Variants in RTL4 observed in about 807,000 individuals in gnomAD.
RTL4 encodes the protein retrotransposon Gag-like protein 4.
In RTL4, 4 loss-of-function variants were observed where a neutral mutation model predicts 5.3. The ratio of observed to expected loss-of-function variants is 0.75; its 90% CI spans 0.37 to 1.72. RTL4 has a LOEUF of 1.72. RTL4 is among the 40% of genes most tolerant of loss of function. RTL4 has a pLI of 0.04. For synonymous variants in RTL4, 98 were observed against 87.3 expected, an observed-to-expected ratio of 1.12 and a Z score of -0.68; for missense variants, 260 against 227.1, an observed-to-expected ratio of 1.14 and a Z score of -0.93.
the RTL4 span, among the ~76,000 whole-genome samples, chrX:112,274,814 C>T: frequency 9.0e-6 from 1 of 111,655 alleles, no homozygotes; most frequent in Non-Finnish European, 1.9e-5. Context: ...TTTTGAGACT[C>T]ACTTCTTCAG....
chrX:112,350,299 C>G, the RTL4 span, among the ~76,000 whole-genome samples: 1 of 109,675 alleles, frequency 9.1e-6, no homozygotes, highest in Non-Finnish European at 1.9e-5. Context: ...CATCAATGTT[C>G]ATCAAGGATA....
At chrX:112,212,281 G>A in the RTL4 span, among the ~76,000 whole-genome samples, 1 of 111,599 alleles carries the variant, frequency 9.0e-6, no homozygotes, top group Non-Finnish European at 1.9e-5. Context: ...GGAGGCTGAG[G>A]CAGGAGAATG....
the RTL4 span, among the ~76,000 whole-genome samples, chrX:112,243,639 A>G: frequency 3.6e-5 from 4 of 111,312 alleles, no homozygotes; most frequent in East Asian, 5.7e-4. Flanking sequence ...AATCTTTTCA[A>G]AAAACCAGCT....
At chrX:112,134,608 A>G in the RTL4 span, among the ~76,000 whole-genome samples, 9 of 111,962 alleles carry the variant, frequency 8.0e-5, no homozygotes, top group African/African-American at 2.6e-4. Flanking sequence ...AAACTGTACA[A>G]TTAGACACAT....
chrX:112,341,747 C>T, the RTL4 span, among the ~76,000 whole-genome samples: 1 of 111,728 alleles, frequency 9.0e-6, no homozygotes, highest in Non-Finnish European at 1.9e-5. Flanking sequence ...ACAGTTAGTT[C>T]ACAAGCAGCA....
chrX:112,166,973 A>G, the RTL4 span, among the ~76,000 whole-genome samples: 1 of 111,739 alleles, frequency 8.9e-6, no homozygotes, highest in Non-Finnish European at 1.9e-5. Context: ...TGGGCTTGGC[A>G]GGCATTCCCT....
chrX:112,168,969 C>G, the RTL4 span, among the ~76,000 whole-genome samples: 1 of 93,415 alleles, frequency 1.1e-5, no homozygotes, highest in South Asian at 4.8e-4. Context: ...CTTTCTTTTT[C>G]TTTCTTTCTT....
chrX:112,192,825 C>G, the RTL4 span, among the ~76,000 whole-genome samples: 1 of 111,584 alleles, frequency 9.0e-6, no homozygotes, highest in Non-Finnish European at 1.9e-5. Flanking sequence ...TTGTATTTAC[C>G]TATGTATTTA....
chrX:112,451,790 G>A (rs1432209682), upstream of RTL4, among the ~76,000 whole-genome samples: 1 of 111,442 alleles, frequency 9.0e-6, no homozygotes, highest in African/African-American at 3.3e-5. Context: ...TTATGTGGAG[G>A]TAGAATAGTG....
chrX:112,422,085 A>C, the RTL4 span, among the ~76,000 whole-genome samples: 116 of 112,411 alleles, frequency 1.0e-3, 1 homozygote, highest in Non-Finnish European at 1.6e-3. Flanking sequence ...CAATATTTGT[A>C]TAAGGTTTGT....
chrX:112,248,916 G>A, the RTL4 span, among the ~76,000 whole-genome samples: 1 of 112,179 alleles, frequency 8.9e-6, no homozygotes, highest in East Asian at 2.8e-4. Context: ...TAGCAAGATG[G>A]TACTAGAAAA....
At chrX:112,353,503 A>G in the RTL4 span, among the ~76,000 whole-genome samples, 2 of 111,573 alleles carry the variant, frequency 1.8e-5, no homozygotes, top group Middle Eastern at 4.6e-3. Flanking sequence ...CCATGCAGCC[A>G]TAAAAAATGA....
chrX:112,355,392 T>A, the RTL4 span, among the ~76,000 whole-genome samples: 1 of 111,403 alleles, frequency 9.0e-6, no homozygotes, highest in African/African-American at 3.3e-5. Flanking sequence ...TCTACCAAAA[T>A]GATTAGAATG....
chrX:112,124,389 T>A, the RTL4 span, among the ~76,000 whole-genome samples: 1 of 111,558 alleles, frequency 9.0e-6, no homozygotes, highest in Non-Finnish European at 1.9e-5. Flanking sequence ...ATTGCAGCAC[T>A]ATTTACAATA....
the RTL4 span, among the ~76,000 whole-genome samples, chrX:112,099,693 T>G: frequency 7.2e-5 from 8 of 111,197 alleles, no homozygotes. Context: ...AATCAACAGA[T>G]TCTTTTTAAA....
At chrX:112,177,255 A>ATC in the RTL4 span, among the ~76,000 whole-genome samples, 1 of 111,139 alleles carries the variant, frequency 9.0e-6, no homozygotes, top group African/African-American at 3.3e-5. Context: ...GTCTTTGAGA[A>ATC]ACCTCCATAG....
the RTL4 span, among the ~76,000 whole-genome samples, chrX:112,378,830 A>G: frequency 2.7e-5 from 3 of 112,287 alleles, no homozygotes; most frequent in Admixed American, 2.8e-4. Context: ...CCAACCTGCC[A>G]GCAATAGAGA....
chrX:112,309,816 A>ATATATACATATATATACATATATG, the RTL4 span, among the ~76,000 whole-genome samples: 2 of 107,590 alleles, frequency 1.9e-5, no homozygotes, highest in African/African-American at 6.8e-5. Context: ...ATACACACAC[A>ATATATACATATATATACATATATG]TATATACATA....
chrX:112,292,706 CT>C, the RTL4 span, among the ~76,000 whole-genome samples: 1 of 111,410 alleles, frequency 9.0e-6, no homozygotes, highest in Non-Finnish European at 1.9e-5. Flanking sequence ...AAACTCAGTA[CT>C]TTTTTTCTTT....
Sources: allele counts gnomAD v4.1 joint callset (sites outside exome capture counted in the v4.1 genomes callset), GRCh38; gene constraint gnomAD v4.1.1; transcripts MANE v1.5; gene names NCBI Gene and HGNC (gene_info 2026-07-23, HGNC 2026-07-21).